VGLL4: variants seen among roughly 807,000 people sequenced by gnomAD.
The protein encoded by VGLL4 is transcription cofactor vestigial-like protein 4.
A neutral mutation model predicts 21.0 loss-of-function variants in VGLL4; 7 were observed. The ratio of observed to expected loss-of-function variants is 0.33; its 90% CI spans 0.19 to 0.63. The LOEUF (loss-of-function observed/expected upper bound fraction) is 0.63. VGLL4 is among the 20% of genes least tolerant of loss of function. The pLI, the probability that VGLL4 is intolerant of heterozygous loss-of-function variation, is 0.78. For missense variants in VGLL4, 394 were observed against 425.7 expected (o/e 0.93, Z 0.66); for synonymous variants, 222 against 173.2 (o/e 1.28, Z -2.21).
At chr3:11,590,569 G>C (rs905989333) in intron 2 of VGLL4, among the ~76,000 whole-genome samples, 1 of 152,160 alleles carries the variant, frequency 6.6e-6, no homozygotes, top group African/African-American at 2.4e-5. Flanking sequence ...GTCTGGCACA[G>C]TTTCTAGCTA....
At chr3:11,570,424 A>T (rs2073729836) in intron 2 of VGLL4, among the ~76,000 whole-genome samples, 1 of 152,190 alleles carries the variant, frequency 6.6e-6, no homozygotes, top group African/African-American at 2.4e-5. Flanking sequence ...CTCAGTCAGT[A>T]AGCTTCTGAA....
At chr3:11,660,385 A>G (rs1274005333) in intron 2 of VGLL4, among the ~76,000 whole-genome samples, 2 of 152,172 alleles carry the variant, frequency 1.3e-5, no homozygotes, top group East Asian at 3.9e-4. Context: ...CTATAATTAC[A>G]CATGGCTTTA....
intron 2 of VGLL4, among the ~76,000 whole-genome samples, chr3:11,697,258 AC>A (rs2076618364): frequency 7.0e-6 from 1 of 142,470 alleles, no homozygotes; most frequent in African/African-American, 2.6e-5. Context: ...ACACCACCAC[AC>A]CCAGCTAATT....
At chr3:11,593,875 G>T (rs1008654321) in intron 2 of VGLL4, among the ~76,000 whole-genome samples, 3 of 152,182 alleles carry the variant, frequency 2.0e-5, no homozygotes, top group Non-Finnish European at 4.4e-5. Flanking sequence ...GTTCATTATG[G>T]GTTGCTCAGT....
chr3:11,559,652 A>G (rs2072786676), intron 3 of VGLL4, among the ~76,000 whole-genome samples, 197 bp from the exon 4 acceptor site: 1 of 152,226 alleles, frequency 6.6e-6, no homozygotes, highest in Admixed American at 6.5e-5. Flanking sequence ...GGGTGTGTGT[A>G]GTGGCCCTTG....
intron 2 of VGLL4, among the ~76,000 whole-genome samples, chr3:11,695,337 C>T (rs2076590151): frequency 6.6e-6 from 1 of 152,084 alleles, no homozygotes; most frequent in African/African-American, 2.4e-5. Flanking sequence ...TGTGAGCCAC[C>T]ATGCCCGGCC....
rs1314560954 is a variant in VGLL4, at chr3:11,556,681, A to G, written c.*1875T>C. On this transcript the variant is annotated 3_prime_UTR_variant, in exon 5 of 5. Transcript: ENST00000430365. ...GGAAAGGGAAAAATTAAATAGCTAC[A>G]TATCATTAACAAATTAATGTTCTTC... 6.5e-6 allele frequency: 1 copy of G among 152,788 alleles called. No homozygotes were observed. Among genetic ancestry groups the G allele is most frequent in the African/African-American group, 2.4e-5 (1 of 41,464 alleles). 9.5% of individuals were successfully genotyped at this position (152,788 alleles called of 1,614,324 possible).
intron 1 of VGLL4, among the ~76,000 whole-genome samples, chr3:11,712,623 C>T (rs2076863632): frequency 6.6e-6 from 1 of 152,130 alleles, no homozygotes; most frequent in African/African-American, 2.4e-5. Flanking sequence ...CCTGAAGCAA[C>T]TAAGACTAGA....
At chr3:11,672,761 A>G (rs1300267857) in intron 2 of VGLL4, among the ~76,000 whole-genome samples, 3 of 152,242 alleles carry the variant, frequency 2.0e-5, no homozygotes, top group African/African-American at 7.2e-5. Flanking sequence ...GGAAAAGATT[A>G]TCCTGGCTTC....
In VGLL4 at chr3:11,614,378, G is replaced by C. The variant is rs115909061; in HGVS notation, c.83-12356C>G. Among the ~76,000 whole-genome samples the C allele has an allele frequency of 1.2e-3, 187 of 152,346 alleles. 1 individual carries two copies. Among genetic ancestry groups the C allele is most frequent in the African/African-American group, 4.1e-3 (169 of 41,586 alleles). On this transcript the variant is annotated intron_variant, in intron 1 of 4. Transcript: ENST00000430365. ...CATTGTGTGCTACCGCCAAACAGGCGATCTTGCTCTCTGCAGTAGGTTCCA... is the reference window on the plus strand; with the variant it reads ...CATTGTGTGCTACCGCCAAACAGGCCATCTTGCTCTCTGCAGTAGGTTCCA...
chr3:11,667,842 C>CTTTTTTTT (rs746416276), intron 2 of VGLL4, among the ~76,000 whole-genome samples: 41 of 69,336 alleles, frequency 5.9e-4, no homozygotes, highest in East Asian at 9.4e-4. Flanking sequence ...CTATCTTCTT[C>CTTTTTTTT]TTTTTTTTTT....
intron 1 of VGLL4, chr3:11,610,335 G>A (rs1273427880): frequency 6.6e-6 from 1 of 152,220 alleles, no homozygotes; most frequent in Non-Finnish European, 1.5e-5. Flanking sequence ...CCTTCAAATT[G>A]TTCAACTTGT....
rs1289172745 is a variant in VGLL4, at chr3:11,556,077, G to T, written c.*2479C>A. On this transcript the variant is annotated 3_prime_UTR_variant, in exon 5 of 5. Coordinates refer to ENST00000430365, the MANE Select transcript of VGLL4 (RefSeq NM_001128219.3). The stretch of plus-strand genomic sequence containing the variant: ...TGCACACGTACACTATGTGGTTTAA[G>T]AGCACTTTATTATTGTTCTTAAGGC... The T allele has an allele frequency of 6.5e-6, 1 of 152,732 alleles. No homozygotes were observed. The highest frequency in any genetic ancestry group is 1.5e-5 in the Non-Finnish European group (1 of 68,040). The allele number at this position is 152,732 out of a possible 1,614,324, so 9.5% of individuals were successfully genotyped here.
In VGLL4 at chr3:11,566,514, C is replaced by T. The variant is rs969200384; in HGVS notation, c.273-1495G>A. Among the ~76,000 whole-genome samples, 7 of 152,272 alleles carry T rather than the reference C, an allele frequency of 4.6e-5. No homozygotes were observed. In the South Asian group the frequency reaches 1.0e-3, roughly 23 times the overall value. ...AGTGAATGTTTTTAGCAGCTCAGCA[C>T]GGGCCTTGGTAGCCTCTGGGCCTGA... On this transcript the variant is annotated intron_variant, in intron 2 of 4. Coordinates refer to ENST00000430365, the MANE Select transcript of VGLL4 (RefSeq NM_001128219.3).
At chr3:11,594,580 C>T (rs2074586844) in intron 2 of VGLL4, among the ~76,000 whole-genome samples, 1 of 152,246 alleles carries the variant, frequency 6.6e-6, no homozygotes, top group Admixed American at 6.5e-5. Flanking sequence ...ACCCACGAAG[C>T]AGCCTAGAAT....
At position 11,643,492 on chromosome 3, in the gene VGLL4, CA is replaced by C; in HGVS notation, c.26del (p.Leu9Ter). The C allele has an allele frequency of 6.2e-7, 1 of 1,613,952 alleles. No homozygotes were observed. The highest frequency in any genetic ancestry group is 1.1e-5 in the South Asian group (1 of 91,070). On this transcript the variant is annotated frameshift_variant, in exon 1 of 5. Coordinates refer to ENST00000430365, the MANE Select transcript of VGLL4 (RefSeq NM_001128219.3). LOFTEE classifies it high-confidence loss of function. ...TCATCTTGTCCAAGTACTGATAGTTCAACAGGTCCATCTTCATAAATAGCAT... is the reference window on the plus strand; with the variant it reads ...TCATCTTGTCCAAGTACTGATAGTTCACAGGTCCATCTTCATAAATAGCAT... MLFMKMDL[L>X]NYQYLDKMNN...
At chr3:11,710,083 T>G (rs1480417226) in intron 1 of VGLL4, among the ~76,000 whole-genome samples, 1 of 152,082 alleles carries the variant, frequency 6.6e-6, no homozygotes, top group African/African-American at 2.4e-5. Flanking sequence ...CCACATTCTT[T>G]TCAACAACCA....
chr3:11,703,808 C>T (rs560421023), intron 1 of VGLL4, among the ~76,000 whole-genome samples: 29 of 152,348 alleles, frequency 1.9e-4, no homozygotes, highest in African/African-American at 6.3e-4. Context: ...AGAAAAACAA[C>T]TCCTTAACTG....
intron 4 of VGLL4, 111 bp downstream of exon 4, chr3:11,559,221 C>CTCAGCAATAG (rs1405713949): frequency 1.4e-6 from 2 of 1,429,406 alleles, no homozygotes; most frequent in African/African-American, 2.9e-5. Flanking sequence ...CTTTTTCAAC[C>CTCAGCAATAG]TCAGCAATAG....
Sources: allele counts gnomAD v4.1 joint callset (sites outside exome capture counted in the v4.1 genomes callset), GRCh38; gene constraint gnomAD v4.1.1; transcripts MANE v1.5; gene names NCBI Gene and HGNC (gene_info 2026-07-23, HGNC 2026-07-21).